The following DPP6 variants were observed in gnomAD, a reference collection of about 807,000 sequenced individuals.
DPP6 encodes A-type potassium channel modulatory protein DPP6.
Under a neutral mutation model 122.6 loss-of-function variants are expected in DPP6, and 69 were observed. The ratio of observed to expected loss-of-function variants is 0.56; its 90% CI spans 0.46 to 0.69. The LOEUF is 0.69. Ranked by LOEUF, DPP6 falls within the 30% of genes least tolerant of loss-of-function variation. The pLI, the probability that DPP6 is intolerant of heterozygous loss-of-function variation, is 0.00. For synonymous variants in DPP6, 418 were observed against 433.1 expected (o/e 0.97, Z 0.43); for missense variants, 928 against 1,116.9 (o/e 0.83, Z 2.41).
chr7:154,483,524 C>A lies in DPP6; in HGVS notation c.457+8487C>A, dbSNP rs1177509836. Reference sequence around the variant, plus strand: ...TTACAGAACAAAGACAGAAGCAAAGCAACTATCTGATTGGTTACAGTTATG... The same window carrying A: ...TTACAGAACAAAGACAGAAGCAAAGAAACTATCTGATTGGTTACAGTTATG... On this transcript the variant is annotated intron_variant, in intron 3 of 25. Coordinates refer to ENST00000377770, the MANE Select transcript of DPP6 (RefSeq NM_130797.4). The surrounding 1 kb of genome is among the most constrained non-coding windows in gnomAD (Gnocchi z 8.1). Among the ~76,000 whole-genome samples, 1 of 152,142 alleles carries A rather than the reference C, an allele frequency of 6.6e-6. No homozygotes were observed. Among genetic ancestry groups the A allele is most frequent in the Non-Finnish European group, 1.5e-5 (1 of 68,032 alleles).
Position 153,974,735 on chromosome 7 carries a change from G to A in DPP6, c.51+87001G>A, listed in dbSNP as rs530132449. Among the ~76,000 whole-genome samples, 5 of 152,254 alleles carry A rather than the reference G, an allele frequency of 3.3e-5. No homozygotes were observed. In the South Asian group the frequency reaches 6.2e-4, roughly 19 times the overall value. ...CACATCTAGTCTCATTTCAGGGTCC[G>A]TTTGTTGACACTTGAAGTCAAGCGC... On this transcript the variant is annotated intron_variant, in intron 1 of 25. Coordinates refer to the DPP6 transcript ENST00000404039.
At position 154,600,419 on chromosome 7, in the gene DPP6, A is replaced by C. The variant is rs900476461; in HGVS notation, c.627+33503A>C. Among the ~76,000 whole-genome samples, 11 of 120,238 alleles carry C rather than the reference A, an allele frequency of 9.1e-5. 2 individuals are homozygous for C. Among genetic ancestry groups the C allele is most frequent in the Non-Finnish European group, 7.5e-5 (4 of 53,358 alleles). 78.9% of individuals were successfully genotyped at this position (120,238 alleles called of 152,430 possible). A position where few individuals can be genotyped will look rare whatever the true frequency, so the allele number is the denominator to read the frequency against. The stretch of plus-strand genomic sequence containing the variant: ...GCTGGGATTACAGGCGTGAGCCACC[A>C]TGCCCGGCCCTTTTATGTAATCTCT... On this transcript the variant is annotated intron_variant, in intron 5 of 25. Coordinates refer to ENST00000377770, the MANE Select transcript of DPP6 (RefSeq NM_130797.4).
At chr7:154,443,236 C>T (rs1029171391) in intron 1 of DPP6, among the ~76,000 whole-genome samples, 16 of 152,202 alleles carry the variant, frequency 1.1e-4, no homozygotes, top group Admixed American at 6.5e-4. Context: ...TGCTAGAGAT[C>T]TCTCTGATGC....
intron 6 of DPP6, among the ~76,000 whole-genome samples, chr7:154,650,845 G>T (rs1336619532): frequency 1.3e-5 from 2 of 152,152 alleles, no homozygotes; most frequent in Non-Finnish European, 2.9e-5. Context: ...GATGGATGAA[G>T]GCCGTCCTAC....
At chr7:154,115,637 CACTTGT>C in intron 1 of DPP6, among the ~76,000 whole-genome samples, 2 of 152,330 alleles carry the variant, frequency 1.3e-5, no homozygotes, top group Middle Eastern at 6.8e-3. Context: ...CTACTGATGA[CACTTGT>C]ACTTGTTGCG....
At chr7:154,387,983 T>G (rs1012203703) in intron 1 of DPP6, among the ~76,000 whole-genome samples, 1 of 151,836 alleles carries the variant, frequency 6.6e-6, no homozygotes, top group African/African-American at 2.4e-5. Context: ...CCTAGAAGAG[T>G]ACATGGCATG....
chr7:154,635,231 G>C (rs546994324), intron 5 of DPP6, among the ~76,000 whole-genome samples: 7 of 152,260 alleles, frequency 4.6e-5, no homozygotes, highest in Non-Finnish European at 8.8e-5. Flanking sequence ...GTAAGGAGCT[G>C]TCAGAGTACC....
intron 16 of DPP6, among the ~76,000 whole-genome samples, chr7:154,817,738 T>C (rs1320798488): frequency 4.0e-5 from 6 of 150,350 alleles, no homozygotes; most frequent in African/African-American, 1.5e-4. Flanking sequence ...CATGAGTGAT[T>C]GAAGGGTGAT....
At chr7:153,783,872 G>A in the DPP6 span, among the ~76,000 whole-genome samples, 9 of 152,162 alleles carry the variant, frequency 5.9e-5, no homozygotes, top group Admixed American at 2.6e-4. Context: ...CAATGTTGAT[G>A]TTAATCGAAG....
chr7:154,718,634 C>CTTT (rs542191130), intron 7 of DPP6, among the ~76,000 whole-genome samples: 7 of 111,488 alleles, frequency 6.3e-5, no homozygotes, highest in Admixed American at 1.0e-4. Flanking sequence ...CTTCCTCCTC[C>CTTT]TTTTTTTTTT....
Position 154,483,733 on chromosome 7 carries a change from C to T in DPP6, c.457+8696C>T, listed in dbSNP as rs915974136. 3.3e-5 allele frequency among the ~76,000 whole-genome samples: 5 copies of T among 152,204 alleles called. No homozygotes were observed. Among genetic ancestry groups the T allele is most frequent in the East Asian group, 1.9e-4 (1 of 5,202 alleles). On this transcript the variant is annotated intron_variant, in intron 3 of 25. Transcript: ENST00000377770. This position sits in a 1 kb window ranked among gnomAD's most constrained non-coding sequence, Gnocchi z 8.1. ...CTTTTGAGACGGAGTCTCGCTCTGTCGCCCAGGCTGGAGTGCAGTGGCACA... is the reference window on the plus strand; with the variant it reads ...CTTTTGAGACGGAGTCTCGCTCTGTTGCCCAGGCTGGAGTGCAGTGGCACA...
intron 1 of DPP6, among the ~76,000 whole-genome samples, chr7:154,323,338 AAAGC>A (rs1205930250): frequency 2.0e-5 from 3 of 152,184 alleles, no homozygotes; most frequent in Non-Finnish European, 4.4e-5. Context: ...AGAAAAAAAA[AAAGC>A]AAGTGCTTTT....
At chr7:154,625,733 G>A (rs1356373997) in intron 5 of DPP6, among the ~76,000 whole-genome samples, 2 of 152,308 alleles carry the variant, frequency 1.3e-5, no homozygotes, top group African/African-American at 4.8e-5. Flanking sequence ...CAAGGCGCAC[G>A]GTACAGACAG....
chr7:154,573,028 A>G (rs759618903), intron 5 of DPP6, among the ~76,000 whole-genome samples: 3 of 152,062 alleles, frequency 2.0e-5, no homozygotes, highest in Non-Finnish European at 4.4e-5. Context: ...AGCTATTGTT[A>G]TAATATGGTT....
At chr7:153,843,547 T>G in the DPP6 span, among the ~76,000 whole-genome samples, 1 of 152,064 alleles carries the variant, frequency 6.6e-6, no homozygotes, top group African/African-American at 2.4e-5. Context: ...ATGCCACCAA[T>G]GCACTGGATA....
At chr7:154,743,294 A>G (rs1842896778) in intron 8 of DPP6, among the ~76,000 whole-genome samples, 1 of 152,200 alleles carries the variant, frequency 6.6e-6, no homozygotes, top group South Asian at 2.1e-4. Context: ...ATAAAGCTGA[A>G]AGATGAATTG....
At chr7:153,951,476 T>C (rs976593580) in intron 1 of DPP6, among the ~76,000 whole-genome samples, 1 of 152,136 alleles carries the variant, frequency 6.6e-6, no homozygotes, top group Non-Finnish European at 1.5e-5. Flanking sequence ...TTTTCCACTC[T>C]GTCACCGAAT....
intron 7 of DPP6, among the ~76,000 whole-genome samples, chr7:154,686,763 G>A (rs1165278613): frequency 6.6e-6 from 1 of 152,104 alleles, no homozygotes; most frequent in East Asian, 1.9e-4. Context: ...CTAAGTATTT[G>A]ATGTTAGTTT....
chr7:154,002,679 T>A (rs564269214), intron 1 of DPP6, among the ~76,000 whole-genome samples: 1 of 152,110 alleles, frequency 6.6e-6, no homozygotes, highest in Non-Finnish European at 1.5e-5. Flanking sequence ...GGGAGGATCC[T>A]GAGGATGCTG....
Sources: gnomAD v4.1 joint callset for allele counts (sites outside exome capture counted in the v4.1 genomes callset) on GRCh38, gnomAD v4.1.1 for gene constraint, Gnocchi (gnomAD v3.1) non-coding constraint, MANE v1.5 for transcripts, NCBI Gene and HGNC (gene_info 2026-07-23, HGNC 2026-07-21) for gene names.